HYAL1: variants seen among roughly 807,000 people sequenced by gnomAD.
HYAL1 encodes the protein hyaluronidase 1, also known as hyaluronidase-1.
A neutral mutation model predicts 28.8 loss-of-function variants in HYAL1; 21 were observed. That is an observed-to-expected ratio of 0.73 (90% confidence interval 0.52 to 1.05). HYAL1 has a LOEUF of 1.05. Ranked by LOEUF, HYAL1 falls within the 50% of genes least tolerant of loss-of-function variation. The pLI is 0.00. For missense variants in HYAL1, 491 were observed against 579.2 expected, an observed-to-expected ratio of 0.85 and a Z score of 1.56; for synonymous variants, 200 against 230.1, an observed-to-expected ratio of 0.87 and a Z score of 1.18.
upstream of HYAL1, among the ~76,000 whole-genome samples, chr3:50,307,943 C>T (rs762131863): frequency 4.7e-5 from 7 of 148,980 alleles, no homozygotes; most frequent in Admixed American, 2.0e-4. Flanking sequence ...TACAGGGGCC[C>T]GCCATCATGC....
At chr3:50,307,014 G>C (rs746789732), upstream of HYAL1, among the ~76,000 whole-genome samples, 203 of 150,624 alleles carry the variant, frequency 1.3e-3, no homozygotes, top group Non-Finnish European at 2.0e-3. Context: ...AGGTTGCAGT[G>C]AGCTGAGATT....
chr3:50,300,630 G>T lies in HYAL1; in HGVS notation c.1161C>A (p.Phe387Leu), dbSNP rs1553712481. The change falls in exon 4 of 4, where the codon TTC (phenylalanine) becomes TTA (leucine). Residue 387 changes from phenylalanine (F) to leucine (L), a missense_variant. Coordinates refer to ENST00000395144, the MANE Select transcript of HYAL1 (RefSeq NM_033159.4). ...CACCACCAGGCGTGAGCTGGATGGAGAAACTGGCAGGGTTAAGGAGGAGGA... is the reference window on the plus strand; with the variant it reads ...CACCACCAGGCGTGAGCTGGATGGATAAACTGGCAGGGTTAAGGAGGAGGA... ...KALLLLNPAS[F>L]SIQLTPGGGP... The T allele has an allele frequency of 6.2e-7, 1 of 1,614,166 alleles. No individual in the cohort carries two copies. Among genetic ancestry groups the T allele is most frequent in the Non-Finnish European group, 8.5e-7 (1 of 1,179,992 alleles).
rs1553713071 is a variant in HYAL1, at chr3:50,302,169, T to C, written c.788A>G (p.Gln263Arg). 6.2e-7 allele frequency: 1 copy of C among 1,614,190 alleles called. No individual in the cohort carries two copies. Among genetic ancestry groups the C allele is most frequent in the Non-Finnish European group, 8.5e-7 (1 of 1,180,036 alleles). Residue 263 changes from glutamine to arginine, a missense_variant, in exon 2 of 4, where the codon CAA becomes CGA. Coordinates refer to ENST00000395144, the MANE Select transcript of HYAL1 (RefSeq NM_033159.4). This position sits in a 1 kb window ranked among gnomAD's most constrained non-coding sequence, Gnocchi z 5.0. ...ACGGAATGCCTCGGCCACACGGTGT[T>C]GCACATACATCTGTGACTTCCCTGT... Reference protein sequence around the residue: ...EGTGKSQMYVQHRVAEAFRVA... With the variant: ...EGTGKSQMYVRHRVAEAFRVA...
At chr3:50,301,944 CTG>C in intron 2 of HYAL1, 111 bp downstream of exon 2, 1 of 1,151,686 alleles carries the variant, frequency 8.7e-7, no homozygotes, top group Admixed American at 1.8e-5. Flanking sequence ...GAGTGAGACT[CTG>C]TCTCAAAAAA....
At chr3:50,311,659 C>T (rs868959341) in intron 1 of HYAL1, among the ~76,000 whole-genome samples, 856 of 137,466 alleles carry the variant, frequency 6.2e-3, no homozygotes, top group South Asian at 0.01. Flanking sequence ...GGCGGCTGGC[C>T]GGGCGGGGGG....
upstream of HYAL1, chr3:50,304,008 C>T (rs1313896419): frequency 1.3e-5 from 2 of 152,014 alleles, no homozygotes; most frequent in African/African-American, 4.8e-5. Flanking sequence ...GAGGCTCACG[C>T]CTATAATCCT....
chr3:50,311,027 G>C (rs1290235391), intron 1 of HYAL1, among the ~76,000 whole-genome samples: 1 of 152,148 alleles, frequency 6.6e-6, no homozygotes, highest in African/African-American at 2.4e-5. Context: ...GCAACCATCC[G>C]ATTTCTCAAT....
chr3:50,302,658 G>C lies in HYAL1; in HGVS notation c.299C>G (p.Ala100Gly), dbSNP rs1553713312. 6.2e-7 allele frequency: 1 copy of C among 1,614,152 alleles called. No individual in the cohort carries two copies. Among genetic ancestry groups the C allele is most frequent in the Admixed American group, 1.7e-5 (1 of 60,032 alleles). ...EPVFGGLPQN[A>G]SLIAHLARTF... Reference sequence around the variant, plus strand: ...GCGGGCCAGGTGGGCAATCAGGCTGGCATTCTGGGGCAGACCACCAAACAC... The same window carrying C: ...GCGGGCCAGGTGGGCAATCAGGCTGCCATTCTGGGGCAGACCACCAAACAC... Residue 100 changes from alanine (A) to glycine (G), a missense_variant, in exon 2 of 4, where the codon GCC becomes GGC. Physicochemically the swap from Ala to Gly is moderately conservative, Grantham distance 60. Transcript: ENST00000395144. The surrounding 1 kb of genome is among the most constrained non-coding windows in gnomAD (Gnocchi z 5.0).
rs1553712368 is a variant in HYAL1 at position 50,300,474 on chromosome 3, T to C, written c.*9A>G. ...GGTTCTCAATATGTGCAACTCAGTG[T>C]GTGGCCAATCACCACATGCTCTTCC... On this transcript the variant is annotated 3_prime_UTR_variant, in exon 4 of 4. Transcript: ENST00000395144. 6.2e-7 allele frequency: 1 copy of C among 1,613,964 alleles called. No homozygotes were observed. Among genetic ancestry groups the C allele is most frequent in the South Asian group, 1.1e-5 (1 of 91,088 alleles).
intron 2 of HYAL1, among the ~76,000 whole-genome samples, chr3:50,309,494 A>C (rs1702405347): frequency 6.7e-6 from 1 of 149,766 alleles, no homozygotes; most frequent in Non-Finnish European, 1.5e-5. Context: ...ATCTGTTTTC[A>C]TTTGTAACAG....
intron 2 of HYAL1, 100 bp from the exon 3 acceptor site, chr3:50,301,177 TG>T: frequency 1.3e-6 from 1 of 786,860 alleles, no homozygotes. Flanking sequence ...AACCTTCACC[TG>T]GGGCTGCTCT....
chr3:50,309,616 G>A (rs1553714490), intron 2 of HYAL1: 1 of 151,242 alleles, frequency 6.6e-6, no homozygotes, highest in East Asian at 1.9e-4. Context: ...GGGAAAACTG[G>A]CCTCACATTT....
At chr3:50,304,652 A>G (rs913838644), upstream of HYAL1, among the ~76,000 whole-genome samples, 1 of 151,776 alleles carries the variant, frequency 6.6e-6, no homozygotes, top group Non-Finnish European at 1.5e-5. Context: ...CCTTGGGTCT[A>G]TTGTGCTTAG....
chr3:50,304,322 T>C (rs1358701372), upstream of HYAL1, among the ~76,000 whole-genome samples: 1 of 90,506 alleles, frequency 1.1e-5, no homozygotes, highest in Non-Finnish European at 2.1e-5. Flanking sequence ...TATATATATA[T>C]ATATATATAT....
chr3:50,303,939 G>A (rs1048063267), upstream of HYAL1: 5 of 152,038 alleles, frequency 3.3e-5, no homozygotes, highest in Non-Finnish European at 7.3e-5. Context: ...CTTTACTTTC[G>A]TGGATCTTTT....
At chr3:50,306,132 A>G (rs1218344069), upstream of HYAL1, among the ~76,000 whole-genome samples, 1 of 150,870 alleles carries the variant, frequency 6.6e-6, no homozygotes, top group Admixed American at 6.6e-5. Flanking sequence ...CCAATAGGAC[A>G]ATTTGCTGAG....
upstream of HYAL1, among the ~76,000 whole-genome samples, chr3:50,304,299 ATATATATATATATATATATATAT>A (rs1702291049): frequency 1.1e-4 from 3 of 27,866 alleles, no homozygotes; most frequent in African/African-American, 1.8e-4. Context: ...AAAAAAAAAT[ATATATATATATATATATATATAT>A]ATATATATAT....
upstream of HYAL1, among the ~76,000 whole-genome samples, chr3:50,308,194 T>G (rs1250398950): frequency 1.3e-5 from 2 of 151,282 alleles, no homozygotes; most frequent in Non-Finnish European, 2.9e-5. Flanking sequence ...TGGTGCAATC[T>G]TGGCTCACTG....
At chr3:50,307,896 G>A (rs1349363679), upstream of HYAL1, among the ~76,000 whole-genome samples, 2 of 145,758 alleles carry the variant, frequency 1.4e-5, no homozygotes, top group African/African-American at 2.6e-5. Flanking sequence ...CCGGGTTCAC[G>A]CCATTCTCCT....
Sources: allele counts gnomAD v4.1 joint callset (sites outside exome capture counted in the v4.1 genomes callset), GRCh38; gene constraint gnomAD v4.1.1; non-coding constraint Gnocchi (gnomAD v3.1); transcripts MANE v1.5; gene names NCBI Gene and HGNC (gene_info 2026-07-23, HGNC 2026-07-21).